Variants in SYT2 observed in about 807,000 individuals in gnomAD.
SYT2 encodes the protein synaptotagmin-2.
Under a neutral mutation model 39.9 loss-of-function variants are expected in SYT2, and 15 were observed. That is an observed-to-expected ratio of 0.38 (90% confidence interval 0.25 to 0.58). SYT2 has a LOEUF of 0.58. Ranked by LOEUF, SYT2 falls within the 20% of genes least tolerant of loss-of-function variation. The probability of loss-of-function intolerance (pLI) is 0.70; values close to 1 mark genes in which losing one functional copy is unlikely to be tolerated. For missense variants in SYT2, 389 were observed against 530.3 expected (o/e 0.73, Z 2.62); for synonymous variants, 181 against 204.5 (o/e 0.89, Z 0.98).
At chr1:202,699,010 C>CTTTTTTTT (rs5780118) in intron 1 of SYT2, among the ~76,000 whole-genome samples, 7 of 97,942 alleles carry the variant, frequency 7.1e-5, no homozygotes, top group Non-Finnish European at 1.2e-4. Context: ...ACCAAACTGT[C>CTTTTTTTT]TTTTTTTTTT....
Position 202,602,071 on chromosome 1 carries a change from G to A in SYT2, c.634-14C>T. 1 of 1,613,826 alleles carries A rather than the reference G, an allele frequency of 6.2e-7. No individual in the cohort carries two copies. Among genetic ancestry groups the A allele is most frequent in the Non-Finnish European group, 8.5e-7 (1 of 1,179,832 alleles). ...CTGGTATGGCACCTGCAGGGCACAA[G>A]CAGAATCAGAGGGGGCCAGAGCGAC... is the stretch of plus-strand genomic sequence containing the variant. On this transcript the variant is annotated splice_polypyrimidine_tract_variant and intron_variant, in intron 5 of 8. Coordinates refer to ENST00000367268, the MANE Select transcript of SYT2 (RefSeq NM_177402.5).
In SYT2 at chr1:202,696,049, C is replaced by T. The variant is rs114462268; in HGVS notation, c.-18+14209G>A. On this transcript the variant is annotated intron_variant, in intron 1 of 8. Coordinates refer to ENST00000367268, the MANE Select transcript of SYT2 (RefSeq NM_177402.5). ...AAAAACTATAGTTTGCCTTTGGAAA[C>T]GTCTAATGTTTTTCTGAGACTCTGG... Among the ~76,000 whole-genome samples the T allele has an allele frequency of 5.3e-3, 809 of 152,276 alleles. 6 individuals carry two copies. The highest frequency in any genetic ancestry group is 0.018 in the African/African-American group (754 of 41,536).
intron 1 of SYT2, among the ~76,000 whole-genome samples, chr1:202,664,273 C>A (rs1692442407): frequency 1.3e-5 from 2 of 152,266 alleles, no homozygotes; most frequent in East Asian, 1.9e-4. Context: ...CCTTAGCTAG[C>A]AGGAAGGTGA....
chr1:202,610,546 G>T (rs997951825), intron 1 of SYT2, among the ~76,000 whole-genome samples: 6 of 152,330 alleles, frequency 3.9e-5, no homozygotes, highest in African/African-American at 1.4e-4. Flanking sequence ...CCTGTCTGCA[G>T]ATGACATGAT....
chr1:202,634,418 G>T (rs922059940), intron 1 of SYT2, among the ~76,000 whole-genome samples: 1 of 152,074 alleles, frequency 6.6e-6, no homozygotes, highest in Admixed American at 6.5e-5. Flanking sequence ...TTGGGAGGCT[G>T]AGGCAGCAGA....
At chr1:202,624,500 G>T (rs1691296196) in intron 1 of SYT2, among the ~76,000 whole-genome samples, 1 of 143,348 alleles carries the variant, frequency 7.0e-6, no homozygotes, top group Non-Finnish European at 1.5e-5. Flanking sequence ...ATAGTAAGGT[G>T]TGTATGGTGT....
chr1:202,605,494 G>A, intron 2 of SYT2, 101 bp downstream of exon 2: 2 of 1,182,240 alleles, frequency 1.7e-6, no homozygotes, highest in South Asian at 3.1e-5. Flanking sequence ...TAAGCATTAG[G>A]AAAGAGCCCA....
rs1309907882 is a variant in SYT2, at chr1:202,599,722, T to A, written c.920-371A>T. On this transcript the variant is annotated intron_variant, in intron 7 of 8. Coordinates refer to ENST00000367268, the MANE Select transcript of SYT2 (RefSeq NM_177402.5). This position sits in a 1 kb window ranked among gnomAD's most constrained non-coding sequence, Gnocchi z 4.4. ...TAATCCCAATCCGATCCCCCTAATCTTGCAGACAAGAAACTGAGGCCAAAG... is the reference window on the plus strand; with the variant it reads ...TAATCCCAATCCGATCCCCCTAATCATGCAGACAAGAAACTGAGGCCAAAG... Among the ~76,000 whole-genome samples, 1 of 152,162 alleles carries A rather than the reference T, an allele frequency of 6.6e-6. No homozygotes were observed. The highest frequency in any genetic ancestry group is 1.5e-5 in the Non-Finnish European group (1 of 68,032).
At chr1:202,678,905 C>G (rs1206466260) in intron 1 of SYT2, among the ~76,000 whole-genome samples, 1 of 152,096 alleles carries the variant, frequency 6.6e-6, no homozygotes, top group Non-Finnish European at 1.5e-5. Flanking sequence ...ACCCAACGCC[C>G]TACATTCTGA....
In SYT2 at chr1:202,659,987, CCTT is replaced by C. The variant is rs1362849496; in HGVS notation, c.-18+50268_-18+50270del. Among the ~76,000 whole-genome samples the C allele has an allele frequency of 1.1e-4, 16 of 152,188 alleles. No individual in the cohort carries two copies. The East Asian group carries it at 2.7e-3, about 26-fold the overall frequency. On this transcript the variant is annotated intron_variant, in intron 1 of 8. Coordinates refer to ENST00000367268, the MANE Select transcript of SYT2 (RefSeq NM_177402.5). ...CCAGACCTGAGCTTGGCACGGAGGT[CCTT>C]CAATGAAAACAAACTGATTCTCTGC...
At chr1:202,708,837 G>C (rs1367878941) in intron 1 of SYT2, among the ~76,000 whole-genome samples, 2 of 152,230 alleles carry the variant, frequency 1.3e-5, no homozygotes, top group Admixed American at 6.5e-5. Flanking sequence ...CACCTCTGCT[G>C]GTCACAGAGA....
In SYT2 at chr1:202,600,402, G is replaced by A; in HGVS notation, c.874C>T (p.Leu292=). ...ATCTTCTTGAGGTTCTTAGCCTCCA[G>A]GATGCAGACAGTGAGCTTCCCGGCC... The part of the protein sequence containing the change: ...PTAGKLTVCI[L]EAKNLKKMDV... Residue 292 remains leucine (L), a synonymous_variant, in exon 7 of 9, where the codon CTG becomes TTG. Coordinates refer to ENST00000367268, the MANE Select transcript of SYT2 (RefSeq NM_177402.5). The A allele has an allele frequency of 6.2e-7, 1 of 1,614,242 alleles. No homozygotes were observed.
intron 1 of SYT2, among the ~76,000 whole-genome samples, chr1:202,658,474 C>G (rs994712799): frequency 4.6e-5 from 7 of 152,030 alleles, no homozygotes; most frequent in African/African-American, 1.7e-4. Flanking sequence ...CAGTCCAGAG[C>G]TGAGTGGCAG....
intron 1 of SYT2, among the ~76,000 whole-genome samples, chr1:202,617,389 C>A (rs1185324835): frequency 6.6e-6 from 1 of 152,078 alleles, no homozygotes; most frequent in East Asian, 1.9e-4. Flanking sequence ...CACTCCCTCG[C>A]CTCTTCCTCC....
chr1:202,667,604 T>C (rs371239232), intron 1 of SYT2, among the ~76,000 whole-genome samples: 1 of 152,210 alleles, frequency 6.6e-6, no homozygotes, highest in East Asian at 1.9e-4. Flanking sequence ...TGTGTAACCA[T>C]GAAGATTACA....
chr1:202,642,994 T>C (rs1691963271), intron 1 of SYT2, among the ~76,000 whole-genome samples: 3 of 152,256 alleles, frequency 2.0e-5, no homozygotes, highest in Non-Finnish European at 4.4e-5. Flanking sequence ...GGTTGGGGGC[T>C]AGGGGTTCCC....
At chr1:202,626,235 C>T (rs1207650401) in intron 1 of SYT2, among the ~76,000 whole-genome samples, 4 of 151,938 alleles carry the variant, frequency 2.6e-5, no homozygotes, top group African/African-American at 9.7e-5. Flanking sequence ...ACAGGGTCAC[C>T]AGCCCCCACC....
chr1:202,681,118 T>C (rs1653514808), intron 1 of SYT2, among the ~76,000 whole-genome samples: 1 of 150,778 alleles, frequency 6.6e-6, no homozygotes, highest in South Asian at 2.1e-4. Context: ...TGGCTCCTGG[T>C]CTCACCTAGA....
intron 1 of SYT2, among the ~76,000 whole-genome samples, chr1:202,611,051 A>G (rs1690872041): frequency 6.6e-6 from 1 of 152,190 alleles, no homozygotes; most frequent in South Asian, 2.1e-4. Flanking sequence ...ACTTGTTATT[A>G]TGTCTTTTTG....
Sources: gnomAD v4.1 joint callset for allele counts (sites outside exome capture counted in the v4.1 genomes callset) on GRCh38, gnomAD v4.1.1 for gene constraint, Gnocchi (gnomAD v3.1) non-coding constraint, MANE v1.5 for transcripts, NCBI Gene and HGNC (gene_info 2026-07-23, HGNC 2026-07-21) for gene names.